SIM1: variants seen among roughly 807,000 people sequenced by gnomAD.
The protein encoded by SIM1 is single-minded homolog 1.
SIM1 carries 18 observed loss-of-function variants against 78.2 expected under a neutral mutation model. That is an observed-to-expected ratio of 0.23 (90% CI 0.16 to 0.34). The LOEUF (loss-of-function observed/expected upper bound fraction) is 0.34. Among genes scored for constraint, SIM1 ranks in the 10% least tolerant of loss-of-function variants. SIM1 has a pLI of 1.00. For missense variants in SIM1, 939 were observed against 975.1 expected (o/e 0.96, Z 0.49); for synonymous variants, 417 against 385.2 (o/e 1.08, Z -0.97).
intron 10 of SIM1, among the ~76,000 whole-genome samples, chr6:100,403,393 G>A (rs891402392): frequency 2.6e-5 from 4 of 152,220 alleles, no homozygotes; most frequent in Admixed American, 2.6e-4. Context: ...TTAAAGGCCT[G>A]AGCCATCCTT....
At chr6:100,460,766 CT>C (rs1772819321) in intron 2 of SIM1, among the ~76,000 whole-genome samples, 1 of 152,164 alleles carries the variant, frequency 6.6e-6, no homozygotes, top group African/African-American at 2.4e-5. Flanking sequence ...TGTGCCTGGT[CT>C]TGCGATTGTG....
chr6:100,455,784 C>G (rs1402026866), intron 2 of SIM1, among the ~76,000 whole-genome samples: 2 of 152,220 alleles, frequency 1.3e-5, no homozygotes, highest in Admixed American at 1.3e-4. Flanking sequence ...GGTGCGAAGA[C>G]TGCGCTGAGC....
chr6:100,403,035 T>C (rs574670659), intron 10 of SIM1, among the ~76,000 whole-genome samples: 11 of 152,204 alleles, frequency 7.2e-5, no homozygotes, highest in Admixed American at 5.9e-4. Context: ...ATTAAGAAAG[T>C]TCAGTAAAAA....
rs1047612464 is a variant in SIM1 at position 100,387,383 on chromosome 6, C to T, written c.*2978G>A. On this transcript the variant is annotated 3_prime_UTR_variant, in exon 12 of 12. Transcript: ENST00000369208. ...TTTTAAAAGACACAGATGACATCTT[C>T]ATTATGAGGAAATATGTTGCTGCAC... The T allele has an allele frequency of 3.5e-4, 53 of 152,090 alleles. No homozygotes were observed. The highest frequency in any genetic ancestry group is 1.2e-3 in the African/African-American group (51 of 41,522). 9.4% of individuals were successfully genotyped at this position (152,090 alleles called of 1,614,324 possible). A position where few individuals can be genotyped will look rare whatever the true frequency, so the allele number is the denominator to read the frequency against.
chr6:100,454,248 T>C (rs1161875600), intron 2 of SIM1, among the ~76,000 whole-genome samples: 1 of 152,140 alleles, frequency 6.6e-6, no homozygotes, highest in Non-Finnish European at 1.5e-5. Context: ...GAGCTTGTCC[T>C]AACACCAAGC....
chr6:100,400,652 T>G (rs1770892415), intron 10 of SIM1, among the ~76,000 whole-genome samples: 1 of 152,066 alleles, frequency 6.6e-6, no homozygotes, highest in Admixed American at 6.6e-5. Context: ...AGGAATTGCC[T>G]CTGGCCAAAT....
At chr6:100,448,442 A>C (rs762400046) in intron 7 of SIM1, 37 bp downstream of exon 7, 11 of 1,596,066 alleles carry the variant, frequency 6.9e-6, no homozygotes, top group Non-Finnish European at 9.4e-6. Flanking sequence ...GGCCGCCCTC[A>C]GGCTAGGAGA....
intron 4 of SIM1, 86 bp downstream of exon 4, chr6:100,450,181 C>CACCCAGCCCCCA: frequency 9.2e-7 from 1 of 1,090,468 alleles, no homozygotes; most frequent in East Asian, 2.4e-5. Flanking sequence ...TAGAGAAGCA[C>CACCCAGCCCCCA]ACCCAGCCCC....
intron 2 of SIM1, chr6:100,462,700 C>T (rs1024523245): frequency 6.6e-6 from 1 of 152,194 alleles, no homozygotes; most frequent in Non-Finnish European, 1.5e-5. Flanking sequence ...AATCATCAAG[C>T]TCCAGAGTTA....
Position 100,390,238 on chromosome 6 carries a change from A to G in SIM1, c.*123T>C. The G allele has an allele frequency of 9.2e-7, 1 of 1,082,406 alleles. No homozygotes were observed. The highest frequency in any genetic ancestry group is 1.3e-6 in the Non-Finnish European group (1 of 755,224). 67.1% of individuals were successfully genotyped at this position (1,082,406 alleles called of 1,614,324 possible). The stretch of plus-strand genomic sequence containing the variant: ...CTTTGATTTTATAGGAACACGTATC[A>G]AATACCCAGTAACTTAAGTTATACT... On this transcript the variant is annotated 3_prime_UTR_variant, in exon 12 of 12. Transcript: ENST00000369208.
intron 9 of SIM1, among the ~76,000 whole-genome samples, chr6:100,429,085 A>G (rs989223786): frequency 6.6e-6 from 1 of 152,136 alleles, no homozygotes; most frequent in African/African-American, 2.4e-5. Flanking sequence ...ATCTGTATAC[A>G]GGGCTGGGCA....
chr6:100,447,684 G>T (rs1562254506), intron 8 of SIM1, among the ~76,000 whole-genome samples: 1 of 152,234 alleles, frequency 6.6e-6, no homozygotes, highest in Non-Finnish European at 1.5e-5. Context: ...AGAGTTTGGA[G>T]GTTTCCTCCA....
chr6:100,426,441 C>T (rs74427871), intron 9 of SIM1, among the ~76,000 whole-genome samples: 4,385 of 152,208 alleles, frequency 0.029, 219 homozygotes, highest in African/African-American at 0.098. Context: ...AGCAATGCAC[C>T]GTGACCACTC....
At chr6:100,432,429 G>GGTT (rs769338186) in intron 9 of SIM1, among the ~76,000 whole-genome samples, 1 of 152,042 alleles carries the variant, frequency 6.6e-6, no homozygotes. Context: ...TTATCTGAGT[G>GGTT]GTTGTTGTTG....
intron 10 of SIM1, among the ~76,000 whole-genome samples, chr6:100,418,388 A>AAATAAATAAATAAAT (rs1337041597): frequency 2.0e-5 from 3 of 148,212 alleles, no homozygotes; most frequent in East Asian, 4.0e-4. Flanking sequence ...ATAAATAAAT[A>AAATAAATAAATAAAT]AAATAAAAAA....
intron 10 of SIM1, among the ~76,000 whole-genome samples, chr6:100,417,078 ACAC>A (rs1771421976): frequency 6.6e-6 from 1 of 152,032 alleles, no homozygotes; most frequent in Admixed American, 6.6e-5. Context: ...TCATTAAATG[ACAC>A]CAACCCTCCT....
chr6:100,452,708 A>G (rs1443714467), intron 3 of SIM1, among the ~76,000 whole-genome samples: 1 of 152,214 alleles, frequency 6.6e-6, no homozygotes, highest in Non-Finnish European at 1.5e-5. Context: ...ATATGAAAAT[A>G]TTGGGGGAAG....
chr6:100,409,405 AT>A (rs149762334), intron 10 of SIM1, among the ~76,000 whole-genome samples: 4,679 of 151,570 alleles, frequency 0.031, 93 homozygotes, highest in Non-Finnish European at 0.046. Flanking sequence ...TCCATTTATA[AT>A]TTTTTATTTC....
intron 10 of SIM1, 160 bp from the exon 11 acceptor site, chr6:100,394,049 G>T: frequency 1.6e-6 from 1 of 609,610 alleles, no homozygotes; most frequent in Non-Finnish European, 2.7e-6. Context: ...TCATGGCTGT[G>T]CACACCTAAC....
Sources: allele counts gnomAD v4.1 joint callset (sites outside exome capture counted in the v4.1 genomes callset), GRCh38; gene constraint gnomAD v4.1.1; transcripts MANE v1.5; gene names NCBI Gene and HGNC (gene_info 2026-07-23, HGNC 2026-07-21).